Variants in EPB41L2 observed in about 807,000 individuals in gnomAD.
EPB41L2 encodes band 4.1-like protein 2.
EPB41L2 carries 43 observed loss-of-function variants against 113.0 expected under a neutral mutation model. That is an observed-to-expected ratio of 0.38 (90% confidence interval 0.30 to 0.49). EPB41L2 has a LOEUF of 0.49. Ranked by LOEUF, EPB41L2 falls within the 20% of genes least tolerant of loss-of-function variation. The pLI is 0.95. For synonymous variants in EPB41L2, 442 were observed against 436.7 expected (o/e 1.01, Z -0.15); for missense variants, 1,147 against 1,223.4 (o/e 0.94, Z 0.93).
intron 19 of EPB41L2, among the ~76,000 whole-genome samples, chr6:130,855,222 C>T (rs542121460): frequency 1.9e-4 from 29 of 151,720 alleles, no homozygotes; most frequent in African/African-American, 4.6e-4. Context: ...TGATGGTGGG[C>T]GCCTGTAATT....
intron 1 of EPB41L2, among the ~76,000 whole-genome samples, chr6:131,001,855 C>T (rs988022059): frequency 1.3e-5 from 2 of 149,538 alleles, no homozygotes; most frequent in African/African-American, 2.4e-5. Context: ...TTCAATTCTT[C>T]CCTCAAGATA....
intron 1 of EPB41L2, among the ~76,000 whole-genome samples, chr6:131,056,144 A>T (rs1797537764): frequency 6.6e-6 from 1 of 152,228 alleles, no homozygotes; most frequent in African/African-American, 2.4e-5. Flanking sequence ...ATGTTGCTGG[A>T]AAATATGTGT....
intron 1 of EPB41L2, among the ~76,000 whole-genome samples, chr6:131,022,987 T>C (rs1354723329): frequency 1.3e-5 from 2 of 152,190 alleles, no homozygotes; most frequent in African/African-American, 4.8e-5. Flanking sequence ...CTTATTTCCG[T>C]TACCTACAAT....
chr6:130,930,298 C>T (rs571661657), intron 3 of EPB41L2, among the ~76,000 whole-genome samples: 14 of 152,182 alleles, frequency 9.2e-5, no homozygotes, highest in African/African-American at 3.1e-4. Flanking sequence ...AAGACCACAC[C>T]TCACTAAATG....
chr6:131,006,069 T>C (rs957461428), intron 1 of EPB41L2, among the ~76,000 whole-genome samples: 4 of 152,118 alleles, frequency 2.6e-5, no homozygotes, highest in African/African-American at 7.2e-5. Context: ...GTTTGTTCTT[T>C]TTTTTGAGAT....
chr6:130,878,588 C>A, intron 13 of EPB41L2: 1 of 192,054 alleles, frequency 5.2e-6, no homozygotes, highest in Non-Finnish European at 1.1e-5. Context: ...AATAACACTT[C>A]CTTCCAGTAC....
rs77178725 is a variant in EPB41L2, at chr6:131,044,020, T to C, written c.-15+19135A>G. On this transcript the variant is annotated intron_variant, in intron 1 of 19. Coordinates refer to ENST00000337057, the MANE Select transcript of EPB41L2 (RefSeq NM_001431.4). ...ATATTTAAAACTTTCTAAATAATGC[T>C]TTTTTTTTTTTTTTTTTTTGAGACA... Among the ~76,000 whole-genome samples, 69 of 30,644 alleles carry C rather than the reference T, an allele frequency of 2.3e-3. No individual in the cohort carries two copies. The African/African-American group carries it at 0.035, about 16-fold the overall frequency. 20.1% of individuals were successfully genotyped at this position (30,644 alleles called of 152,430 possible).
At chr6:130,940,912 T>C (rs1422178119) in intron 3 of EPB41L2, among the ~76,000 whole-genome samples, 2 of 152,238 alleles carry the variant, frequency 1.3e-5, no homozygotes, top group Non-Finnish European at 2.9e-5. Context: ...TTGACTCATA[T>C]GTTTATGTAT....
At chr6:130,999,216 T>A (rs1293904714) in intron 1 of EPB41L2, among the ~76,000 whole-genome samples, 1 of 152,100 alleles carries the variant, frequency 6.6e-6, no homozygotes, top group African/African-American at 2.4e-5. Context: ...GCTCAGCACT[T>A]TTCTACACTC....
chr6:130,906,762 C>T (rs1193327195), intron 5 of EPB41L2, among the ~76,000 whole-genome samples: 2 of 152,060 alleles, frequency 1.3e-5, no homozygotes, highest in African/African-American at 4.8e-5. Context: ...ATAGCAGACA[C>T]CAAGGATAGA....
At position 130,869,948 on chromosome 6, in the gene EPB41L2, C is replaced by T. The variant is rs763148714; in HGVS notation, c.2222G>A (p.Ser741Asn). 2 of 1,613,438 alleles carry T rather than the reference C, an allele frequency of 1.2e-6. No homozygotes were observed. Among genetic ancestry groups the T allele is most frequent in the Non-Finnish European group, 1.7e-6 (2 of 1,180,040 alleles). Residue 741 changes from serine (S) to asparagine (N), a missense_variant, in exon 15 of 20, where the codon AGC becomes AAC. Transcript: ENST00000337057. Reference sequence around the variant, plus strand: ...CTCACTCTCACTGCTGCTGCTGCTGCTCTCAGAAGACAGGGAGGTGGAGTC... The same window carrying T: ...CTCACTCTCACTGCTGCTGCTGCTGTTCTCAGAAGACAGGGAGGTGGAGTC... ...QKDSTSLSSESSSSSSESEEE... is the reference protein window; with the variant it reads ...QKDSTSLSSENSSSSSESEEE...
intron 3 of EPB41L2, among the ~76,000 whole-genome samples, chr6:130,941,940 A>G (rs756966210): frequency 3.9e-5 from 6 of 152,276 alleles, no homozygotes; most frequent in Admixed American, 2.0e-4. Context: ...ACTCCATTGT[A>G]GAGCATAATT....
At chr6:130,957,899 C>T (rs186372487) in intron 1 of EPB41L2, among the ~76,000 whole-genome samples, 85 of 152,276 alleles carry the variant, frequency 5.6e-4, no homozygotes, top group Non-Finnish European at 9.0e-4. Context: ...GGCAACCTTA[C>T]GAATATATCC....
intron 1 of EPB41L2, among the ~76,000 whole-genome samples, chr6:130,971,154 C>T (rs1291195979): frequency 1.3e-5 from 2 of 152,148 alleles, no homozygotes; most frequent in East Asian, 3.9e-4. Context: ...GCCTTGGCCT[C>T]CCAAAATGTT....
chr6:130,978,564 C>T (rs1778672941), intron 1 of EPB41L2: 1 of 152,190 alleles, frequency 6.6e-6, no homozygotes. Flanking sequence ...CTACTCAAAA[C>T]AATAAATAAA....
In EPB41L2 at chr6:130,925,998, C is replaced by T. The variant is rs963129271; in HGVS notation, c.810+607G>A. ...TAGTAGGACATGTAAATACTAACAA[C>T]GATAGCAATGTAGGCAAATAAAATT... is the stretch of plus-strand genomic sequence containing the variant. On this transcript the variant is annotated intron_variant, in intron 4 of 19. Transcript: ENST00000337057. 6.6e-5 allele frequency among the ~76,000 whole-genome samples: 10 copies of T among 152,244 alleles called. No individual in the cohort carries two copies. In the South Asian group the frequency reaches 1.2e-3, roughly 19 times the overall value.
chr6:131,041,728 AAC>A (rs1366557603), intron 1 of EPB41L2, among the ~76,000 whole-genome samples: 3 of 152,226 alleles, frequency 2.0e-5, no homozygotes, highest in East Asian at 1.9e-4. Flanking sequence ...TAGAAAAAAC[AAC>A]ACAGTTTCAA....
chr6:130,983,025 A>G (rs1779727100), intron 1 of EPB41L2, among the ~76,000 whole-genome samples: 1 of 152,226 alleles, frequency 6.6e-6, no homozygotes, highest in Admixed American at 6.5e-5. Context: ...TGATGCTTAT[A>G]TAGCCTCAAC....
chr6:131,030,531 C>T (rs1584652484), intron 1 of EPB41L2, among the ~76,000 whole-genome samples: 1 of 152,056 alleles, frequency 6.6e-6, no homozygotes, highest in African/African-American at 2.4e-5. Flanking sequence ...ATTTTAGATC[C>T]TCAAATAGTA....
Sources: allele counts gnomAD v4.1 joint callset (sites outside exome capture counted in the v4.1 genomes callset), GRCh38; gene constraint gnomAD v4.1.1; transcripts MANE v1.5; gene names NCBI Gene and HGNC (gene_info 2026-07-23, HGNC 2026-07-21).